Variants in MYO5B observed in about 807,000 individuals in gnomAD.
The protein encoded by MYO5B is myosin VB, also known as unconventional myosin-Vb.
MYO5B carries 143 observed loss-of-function variants against 229.3 expected under a neutral mutation model. That is an observed-to-expected ratio of 0.62 (90% CI 0.54 to 0.72). The LOEUF (loss-of-function observed/expected upper bound fraction) is 0.72. MYO5B is among the 30% of genes least tolerant of loss of function. The probability of loss-of-function intolerance (pLI) is 0.00; values close to 1 mark genes in which losing one functional copy is unlikely to be tolerated. For missense variants in MYO5B, 2,321 were observed against 2,331.0 expected (o/e 1.00, Z 0.09); for synonymous variants, 918 against 885.2 (o/e 1.04, Z -0.66).
Position 49,826,266 on chromosome 18 carries a change from T to G in MYO5B, c.*205A>C, listed in dbSNP as rs886053871. The G allele has an allele frequency of 2.5e-5, 15 of 611,808 alleles. No individual in the cohort carries two copies. Among genetic ancestry groups the G allele is most frequent in the South Asian group, 1.9e-4 (10 of 51,540 alleles). The allele number at this position is 611,808 out of a possible 1,614,324, so 37.9% of individuals were successfully genotyped here. A position where few individuals can be genotyped will look rare whatever the true frequency, so the allele number is the denominator to read the frequency against. The stretch of plus-strand genomic sequence containing the variant: ...AATCAAACTTAAAATCTTCCATATT[T>G]CAAGTGTTTTTATTCTGAGCAGTAG... On this transcript the variant is annotated 3_prime_UTR_variant, in exon 40 of 40. Coordinates refer to ENST00000285039, the MANE Select transcript of MYO5B (RefSeq NM_001080467.3).
chr18:50,177,491 C>T, intron 1 of MYO5B, among the ~76,000 whole-genome samples: 1 of 152,220 alleles, frequency 6.6e-6, no homozygotes, highest in East Asian at 1.9e-4. Context: ...ATAATGTTCA[C>T]TCAGCAAGCA....
At chr18:50,194,693 G>A in intron 1 of MYO5B, 74 bp downstream of exon 1, 3 of 1,119,112 alleles carry the variant, frequency 2.7e-6, no homozygotes, top group Non-Finnish European at 3.8e-6. Flanking sequence ...CGAGGGAGAA[G>A]GCGACCCTGA....
chr18:50,084,910 C>T (rs889874947), intron 1 of MYO5B, among the ~76,000 whole-genome samples: 20 of 151,198 alleles, frequency 1.3e-4, no homozygotes, highest in African/African-American at 4.9e-4. Flanking sequence ...TACAAAAATT[C>T]ATTCAAGATG....
Position 49,866,321 on chromosome 18 carries a change from G to A in MYO5B, c.3604-1941C>T, listed in dbSNP as rs540998464. Among the ~76,000 whole-genome samples, 26 of 151,846 alleles carry A rather than the reference G, an allele frequency of 1.7e-4. No homozygotes were observed. The East Asian group carries it at 4.5e-3, about 26-fold the overall frequency. Reference sequence around the variant, plus strand: ...CCTGACCTCGTGATCCGCCCACCTCGGCCTCCCAAAGTGCTGGGATTACAG... The same window carrying A: ...CCTGACCTCGTGATCCGCCCACCTCAGCCTCCCAAAGTGCTGGGATTACAG... On this transcript the variant is annotated intron_variant, in intron 27 of 39. Transcript: ENST00000285039.
rs1376520361 is a variant in MYO5B at position 49,823,466 on chromosome 18, G to C, written c.*3005C>G. ...GTATGAAAATTTACTTTATGCAGAA[G>C]AAATGAATTCTAATTTATTGGTTAC... On this transcript the variant is annotated 3_prime_UTR_variant, in exon 40 of 40. Transcript: ENST00000285039. The C allele has an allele frequency of 6.6e-6, 1 of 152,316 alleles. No homozygotes were observed. The highest frequency in any genetic ancestry group is 2.4e-5 in the African/African-American group (1 of 41,484). 9.4% of individuals were successfully genotyped at this position (152,316 alleles called of 1,614,324 possible).
At chr18:50,158,274 T>C (rs1431545991) in intron 1 of MYO5B, among the ~76,000 whole-genome samples, 1 of 152,088 alleles carries the variant, frequency 6.6e-6, no homozygotes, top group East Asian at 1.9e-4. Flanking sequence ...AAAGAAGAAA[T>C]AGATGGAAGA....
chr18:49,974,480 T>C lies in MYO5B; in HGVS notation c.1192A>G (p.Ile398Val). 1 of 1,614,138 alleles carries C rather than the reference T, an allele frequency of 6.2e-7. No homozygotes were observed. Among genetic ancestry groups the C allele is most frequent in the Non-Finnish European group, 8.5e-7 (1 of 1,180,018 alleles). ...YVKTMSLQQV[I>V]NARNALAKHI... ...TTCGCCAGGGCGTTGCGCGCATTGA[T>C]CACCTGCTGCAGGGACATGGTCTTG... The change falls in exon 10 of 40, where the codon ATC becomes GTC. Residue 398 changes from isoleucine (I) to valine (V), a missense_variant. Physicochemically the swap from Ile to Val is conservative, Grantham distance 29. Coordinates refer to ENST00000285039, the MANE Select transcript of MYO5B (RefSeq NM_001080467.3).
intron 17 of MYO5B, among the ~76,000 whole-genome samples, chr18:49,919,602 G>A (rs1025014637): frequency 3.3e-5 from 5 of 152,232 alleles, no homozygotes; most frequent in Admixed American, 6.5e-5. Flanking sequence ...TCAGGAAAAC[G>A]CCAATCAAAA....
At chr18:50,059,711 C>T (rs560783160) in intron 1 of MYO5B, among the ~76,000 whole-genome samples, 8 of 152,310 alleles carry the variant, frequency 5.3e-5, no homozygotes, top group South Asian at 4.1e-4. Context: ...CCCCGCTCTG[C>T]CTCCTCACTT....
chr18:50,121,860 C>G (rs76767165), intron 1 of MYO5B, among the ~76,000 whole-genome samples: 3,870 of 152,290 alleles, frequency 0.025, 161 homozygotes, highest in African/African-American at 0.089. Flanking sequence ...ACTGCCAGGA[C>G]CCCATGCAAC....
chr18:49,942,986 C>G (rs2025333482), intron 14 of MYO5B, among the ~76,000 whole-genome samples: 1 of 151,932 alleles, frequency 6.6e-6, no homozygotes, highest in African/African-American at 2.4e-5. Context: ...CAATGATAGA[C>G]TGGATTAAGA....
At chr18:50,053,548 G>C (rs2030460477) in intron 2 of MYO5B, among the ~76,000 whole-genome samples, 1 of 152,134 alleles carries the variant, frequency 6.6e-6, no homozygotes, top group African/African-American at 2.4e-5. Flanking sequence ...GGGGTGGGGT[G>C]GGAAGTTATT....
intron 18 of MYO5B, among the ~76,000 whole-genome samples, chr18:49,909,390 T>C (rs2024934258): frequency 6.6e-6 from 1 of 152,224 alleles, no homozygotes; most frequent in Non-Finnish European, 1.5e-5. Context: ...GGAGTTAGAA[T>C]CAGTCCACCT....
intron 7 of MYO5B, 136 bp from the exon 8 acceptor site, chr18:49,984,961 A>G (rs1227697116): frequency 4.2e-6 from 3 of 710,766 alleles, no homozygotes; most frequent in East Asian, 2.7e-5. Flanking sequence ...GAAACTCTTT[A>G]AAATAGTCTT....
intron 21 of MYO5B, among the ~76,000 whole-genome samples, chr18:49,901,588 A>T (rs1476829599): frequency 6.6e-6 from 1 of 152,242 alleles, no homozygotes; most frequent in African/African-American, 2.4e-5. Context: ...TTCTTCTTTC[A>T]GCCCTGTCAG....
chr18:50,181,937 T>C (rs76182653), intron 1 of MYO5B, among the ~76,000 whole-genome samples: 6,592 of 152,304 alleles, frequency 0.043, 170 homozygotes, highest in Non-Finnish European at 0.055. Flanking sequence ...AATCTGATGA[T>C]GGGATAAGAT....
At chr18:50,023,210 T>A (rs755191533) in intron 4 of MYO5B, among the ~76,000 whole-genome samples, 1 of 151,842 alleles carries the variant, frequency 6.6e-6, no homozygotes, top group African/African-American at 2.4e-5. Context: ...TCTAAGAACA[T>A]TGCGTCATCA....
intron 1 of MYO5B, among the ~76,000 whole-genome samples, chr18:50,068,184 G>A (rs2030870461): frequency 6.6e-6 from 1 of 152,160 alleles, no homozygotes; most frequent in Admixed American, 6.5e-5. Flanking sequence ...ATACTAGGTA[G>A]CCAATAAAGC....
At chr18:50,084,131 C>T (rs1317811411) in intron 1 of MYO5B, among the ~76,000 whole-genome samples, 1 of 152,166 alleles carries the variant, frequency 6.6e-6, no homozygotes, top group Non-Finnish European at 1.5e-5. Flanking sequence ...TTTAGCAGCA[C>T]ATGTTGCCAA....
Sources: gnomAD v4.1 joint callset for allele counts (sites outside exome capture counted in the v4.1 genomes callset) on GRCh38, gnomAD v4.1.1 for gene constraint, MANE v1.5 for transcripts, NCBI Gene and HGNC (gene_info 2026-07-23, HGNC 2026-07-21) for gene names.